Variants in TMEFF1 observed in about 807,000 individuals in gnomAD.
TMEFF1 encodes the protein tomoregulin-1.
Under a neutral mutation model 47.5 loss-of-function variants are expected in TMEFF1, and 20 were observed. The observed-to-expected ratio is 0.42, with a 90% CI of 0.30 to 0.61. The LOEUF (loss-of-function observed/expected upper bound fraction) is 0.61, where lower values mean the gene tolerates loss of function less well. Among genes scored for constraint, TMEFF1 ranks in the 20% least tolerant of loss-of-function variants. The pLI is 0.19. For synonymous variants in TMEFF1, 162 were observed against 166.3 expected, an observed-to-expected ratio of 0.97 and a Z score of 0.20; for missense variants, 411 against 471.1, an observed-to-expected ratio of 0.87 and a Z score of 1.18.
At chr9:100,541,915 T>G (rs978492662) in intron 5 of TMEFF1, among the ~76,000 whole-genome samples, 1 of 152,194 alleles carries the variant, frequency 6.6e-6, no homozygotes, top group African/African-American at 2.4e-5. Flanking sequence ...CTCCTATTAT[T>G]TTGAACTTTT....
chr9:100,496,509 G>A (rs1202511757), intron 1 of TMEFF1, among the ~76,000 whole-genome samples: 2 of 152,184 alleles, frequency 1.3e-5, no homozygotes, highest in Non-Finnish European at 2.9e-5. Context: ...CAAAGTGCTG[G>A]GATTACAGGC....
At chr9:100,563,202 C>T (rs1839055664) in intron 8 of TMEFF1, among the ~76,000 whole-genome samples, 1 of 152,208 alleles carries the variant, frequency 6.6e-6, no homozygotes, top group Admixed American at 6.5e-5. Context: ...ATCTGCGTGC[C>T]TCAGACTCCC....
At chr9:100,514,693 A>C (rs868451387) in intron 4 of TMEFF1, among the ~76,000 whole-genome samples, 7,463 of 107,044 alleles carry the variant, frequency 0.07, 331 homozygotes, top group South Asian at 0.24. Flanking sequence ...TCTACCCCAA[A>C]AAAAAAAAAA....
intron 7 of TMEFF1, among the ~76,000 whole-genome samples, chr9:100,559,604 T>C (rs569487455): frequency 4.9e-4 from 75 of 152,202 alleles, no homozygotes; most frequent in Admixed American, 4.8e-3. Flanking sequence ...TTAAAATATA[T>C]GATTAAAATT....
Position 100,561,436 on chromosome 9 carries a change from A to G in TMEFF1, c.815A>G (p.His272Arg), listed in dbSNP as rs763898871. The G allele has an allele frequency of 1.9e-6, 3 of 1,613,786 alleles. No individual in the cohort carries two copies. The highest frequency in any genetic ancestry group is 1.3e-5 in the African/African-American group (1 of 74,922). Residue 272 changes from histidine to arginine, a missense_variant, in exon 8 of 10, where the codon CAC becomes CGC. By Grantham distance (29) the His-to-Arg change is conservative. Coordinates refer to ENST00000374879, the MANE Select transcript of TMEFF1 (RefSeq NM_003692.5). ...DQREDVYIGN[H>R]MPCPENLNGY... ...AGAGAAGATGTTTATATTGGAAACC[A>G]CATGCCTTGCCCTGAAAACCTCAAT...
intron 7 of TMEFF1, among the ~76,000 whole-genome samples, chr9:100,555,297 G>T (rs866444905): frequency 1.3e-5 from 2 of 152,126 alleles, no homozygotes; most frequent in African/African-American, 4.8e-5. Context: ...ATCATTCTGT[G>T]CTCAGTTCTT....
At chr9:100,568,732 A>G (rs1839174190) in intron 8 of TMEFF1, among the ~76,000 whole-genome samples, 1 of 152,028 alleles carries the variant, frequency 6.6e-6, no homozygotes, top group African/African-American at 2.4e-5. Flanking sequence ...AAATCCCCTC[A>G]TGCTCTCTAG....
intron 5 of TMEFF1, among the ~76,000 whole-genome samples, chr9:100,534,134 A>G (rs982432468): frequency 2.6e-5 from 4 of 152,220 alleles, no homozygotes; most frequent in African/African-American, 9.7e-5. Context: ...TGTGTTAGAA[A>G]GAAAAGTGGG....
intron 8 of TMEFF1, among the ~76,000 whole-genome samples, chr9:100,566,576 C>T (rs1839129320): frequency 1.3e-5 from 2 of 152,234 alleles, no homozygotes; most frequent in Admixed American, 1.3e-4. Flanking sequence ...GGTTACTTCT[C>T]ACCATTGCCA....
chr9:100,478,147 A>G, intron 1 of TMEFF1, among the ~76,000 whole-genome samples: 1 of 152,110 alleles, frequency 6.6e-6, no homozygotes, highest in East Asian at 1.9e-4. Context: ...CATGCCACTT[A>G]CCTTAGAAGC....
At chr9:100,491,141 A>T (rs1010361601) in intron 1 of TMEFF1, among the ~76,000 whole-genome samples, 6 of 152,144 alleles carry the variant, frequency 3.9e-5, no homozygotes, top group African/African-American at 1.4e-4. Flanking sequence ...GTTGTACCAC[A>T]CCATTTCCTG....
chr9:100,483,642 C>T (rs1387416042), intron 1 of TMEFF1, among the ~76,000 whole-genome samples: 1 of 152,188 alleles, frequency 6.6e-6, no homozygotes, highest in Non-Finnish European at 1.5e-5. Context: ...ATTATTTTTA[C>T]TTAAGTTTAC....
At chr9:100,504,148 CA>C (rs1837814952) in intron 2 of TMEFF1, among the ~76,000 whole-genome samples, 1 of 152,174 alleles carries the variant, frequency 6.6e-6, no homozygotes, top group African/African-American at 2.4e-5. Flanking sequence ...TTCCTCCCAA[CA>C]AGGGTGGCAA....
intron 7 of TMEFF1, among the ~76,000 whole-genome samples, chr9:100,551,795 C>T (rs905618031): frequency 6.6e-6 from 1 of 152,136 alleles, no homozygotes; most frequent in Non-Finnish European, 1.5e-5. Context: ...GTAGTAAATG[C>T]AGATAACCAA....
intron 5 of TMEFF1, among the ~76,000 whole-genome samples, chr9:100,531,200 C>T (rs1394452738): frequency 6.6e-6 from 1 of 152,082 alleles, no homozygotes; most frequent in Admixed American, 6.5e-5. Flanking sequence ...CCTCTCTCAC[C>T]ACTCCTATTC....
At chr9:100,482,645 C>CTAA (rs1437906414) in intron 1 of TMEFF1, among the ~76,000 whole-genome samples, 4 of 152,186 alleles carry the variant, frequency 2.6e-5, no homozygotes, top group Non-Finnish European at 5.9e-5. Context: ...CTTTTTCTGC[C>CTAA]TAAACTTCTG....
intron 1 of TMEFF1, among the ~76,000 whole-genome samples, chr9:100,480,413 A>G (rs1412332055): frequency 1.3e-5 from 2 of 152,224 alleles, no homozygotes; most frequent in East Asian, 3.8e-4. Context: ...ACTCAAATCG[A>G]TGAAATATGA....
chr9:100,560,405 T>G (rs1177128283), intron 7 of TMEFF1, among the ~76,000 whole-genome samples: 6 of 152,144 alleles, frequency 3.9e-5, no homozygotes, highest in Non-Finnish European at 7.4e-5. Context: ...GCAGGAAGCC[T>G]GGGGATTTTT....
intron 2 of TMEFF1, among the ~76,000 whole-genome samples, chr9:100,500,202 A>G (rs926720993): frequency 1.3e-5 from 2 of 152,178 alleles, no homozygotes; most frequent in South Asian, 4.1e-4. Flanking sequence ...GACTGCTTTC[A>G]AGATTTTTTC....
Sources: allele counts gnomAD v4.1 joint callset (sites outside exome capture counted in the v4.1 genomes callset), GRCh38; gene constraint gnomAD v4.1.1; transcripts MANE v1.5; gene names NCBI Gene and HGNC (gene_info 2026-07-23, HGNC 2026-07-21).